Variants in VPS33B observed in about 807,000 individuals in gnomAD.
VPS33B encodes the protein vacuolar protein sorting-associated protein 33B.
Under a neutral mutation model 95.3 loss-of-function variants are expected in VPS33B, and 80 were observed. That is an observed-to-expected ratio of 0.84 (90% confidence interval 0.70 to 1.01). The LOEUF (loss-of-function observed/expected upper bound fraction) is 1.01. Ranked by LOEUF, VPS33B falls within the 50% of genes least tolerant of loss-of-function variation. The probability of loss-of-function intolerance (pLI) is 0.00; values close to 1 mark genes in which losing one functional copy is unlikely to be tolerated. For synonymous variants in VPS33B, 280 were observed against 280.4 expected, an observed-to-expected ratio of 1.00 and a Z score of 0.01; for missense variants, 715 against 773.4, an observed-to-expected ratio of 0.92 and a Z score of 0.90.
rs778050196 is a variant in VPS33B at position 90,999,967 on chromosome 15, C to T, written c.1590G>A (p.Glu530=). The change falls in exon 21 of 23, where the codon GAG becomes GAA. Residue 530 remains glutamate (E), a synonymous_variant. Transcript: ENST00000333371. This position sits in a 1 kb window ranked among gnomAD's most constrained non-coding sequence, Gnocchi z 5.1. Reference sequence around the variant, plus strand: ...CATCAAGGCCCTGCCAGCTTCGCCGCTCTAGCACCTGGGAAGGTGTAAGCA... The same window carrying T: ...CATCAAGGCCCTGCCAGCTTCGCCGTTCTAGCACCTGGGAAGGTGTAAGCA... ...LSCRIIEQVL[E]RRSWQGLDEV... is the part of the protein sequence containing the mutation. The T allele has an allele frequency of 6.2e-6, 10 of 1,614,194 alleles. No homozygotes were observed. The Middle Eastern group carries it at 8.2e-4, about 133-fold the overall frequency.
chr15:91,014,366 G>A lies in VPS33B; in HGVS notation c.289+18C>T. The A allele has an allele frequency of 1.9e-6, 3 of 1,613,464 alleles. No homozygotes were observed. Among genetic ancestry groups the A allele is most frequent in the South Asian group, 2.2e-5 (2 of 91,068 alleles). ...CCGCCCTTTCCCACAGTTACACATA[G>A]TACCATGGCACACTCACTGGCAATG... On this transcript the variant is annotated intron_variant, in intron 4 of 22. Coordinates refer to ENST00000333371, the MANE Select transcript of VPS33B (RefSeq NM_018668.5).
At position 91,013,699 on chromosome 15, in the gene VPS33B, C is replaced by A; in HGVS notation, c.357+105G>T. The A allele has an allele frequency of 8.1e-7, 1 of 1,228,668 alleles. No individual in the cohort carries two copies. The highest frequency in any genetic ancestry group is 1.2e-6 in the Non-Finnish European group (1 of 834,186). 76.1% of individuals were successfully genotyped at this position (1,228,668 alleles called of 1,614,324 possible). A position where few individuals can be genotyped will look rare whatever the true frequency, so the allele number is the denominator to read the frequency against. ...AGTCTCAGGTATTCTGTTACAGCAA[C>A]AGAAAACGAACGGAGACAGGGAGGT... On this transcript the variant is annotated intron_variant, in intron 5 of 22. Coordinates refer to ENST00000333371, the MANE Select transcript of VPS33B (RefSeq NM_018668.5). The surrounding 1 kb of genome is among the most constrained non-coding windows in gnomAD (Gnocchi z 4.5).
rs757250762 is a variant in VPS33B at position 91,007,869 on chromosome 15, C to T, written c.498+1G>A. 1.1e-5 allele frequency: 17 copies of T among 1,614,118 alleles called. No individual in the cohort carries two copies. The highest frequency in any genetic ancestry group is 1.3e-5 in the Non-Finnish European group (15 of 1,179,976). On this transcript the variant is annotated splice_donor_variant, in intron 7 of 22. Coordinates refer to ENST00000333371, the MANE Select transcript of VPS33B (RefSeq NM_018668.5). LOFTEE classifies it high-confidence loss of function. The surrounding 1 kb of genome is among the most constrained non-coding windows in gnomAD (Gnocchi z 5.3). The stretch of plus-strand genomic sequence containing the variant: ...CAAGACACAAGGGCCTCTGCATTTA[C>T]CAGAAAGTAATCCCTGAAAAATTCT...
rs991775483 is a variant in VPS33B, at chr15:91,010,424, C to T, written c.358-578G>A. 6.6e-6 allele frequency among the ~76,000 whole-genome samples: 1 copy of T among 152,080 alleles called. No individual in the cohort carries two copies. The highest frequency in any genetic ancestry group is 1.5e-5 in the Non-Finnish European group (1 of 68,022). On this transcript the variant is annotated intron_variant, in intron 5 of 22. Coordinates refer to ENST00000333371, the MANE Select transcript of VPS33B (RefSeq NM_018668.5). This position sits in a 1 kb window ranked among gnomAD's most constrained non-coding sequence, Gnocchi z 5.7. The stretch of plus-strand genomic sequence containing the variant: ...TAGACCAGTCTGGGCAACATAGTGA[C>T]ACCCCATCTCTACAAAACAATGCAA...
At chr15:91,014,564 A>G (rs1268781963) in intron 3 of VPS33B, 131 bp from the exon 4 acceptor site, 1 of 994,852 alleles carries the variant, frequency 1.0e-6, no homozygotes, top group East Asian at 2.4e-5. Context: ...AAGCTATGCT[A>G]TTCTCTTGGT....
chr15:91,006,907 C>G lies in VPS33B; in HGVS notation c.700+43G>C, dbSNP rs2040624778. On this transcript the variant is annotated intron_variant, in intron 9 of 22. Coordinates refer to ENST00000333371, the MANE Select transcript of VPS33B (RefSeq NM_018668.5). The surrounding 1 kb of genome is among the most constrained non-coding windows in gnomAD (Gnocchi z 5.4). ...CACCACGCCTTCCATATTCCCGTGT[C>G]TTCTAGGGCTGAAAGATGACAGGAA... 1 of 1,612,688 alleles carries G rather than the reference C, an allele frequency of 6.2e-7. No homozygotes were observed. The highest frequency in any genetic ancestry group is 1.3e-5 in the African/African-American group (1 of 74,910).
In VPS33B at chr15:91,000,401, A is replaced by AAT; in HGVS notation, c.1581+88_1581+89insAT. Reference sequence around the variant, plus strand: ...GACAGAGCAAGACTCCATCTCAAATAAAAAAAAAAAAACATTGAGACACGC... The same window carrying AAT: ...GACAGAGCAAGACTCCATCTCAAATAATAAAAAAAAAAAACATTGAGACACGC... On this transcript the variant is annotated intron_variant, in intron 20 of 22. Transcript: ENST00000333371. The surrounding 1 kb of genome is among the most constrained non-coding windows in gnomAD (Gnocchi z 4.9). The AAT allele has an allele frequency of 2.0e-6, 1 of 505,454 alleles. No individual in the cohort carries two copies. Among genetic ancestry groups the AAT allele is most frequent in the Non-Finnish European group, 2.9e-6 (1 of 339,324 alleles). 31.3% of individuals were successfully genotyped at this position (505,454 alleles called of 1,614,324 possible). A position where few individuals can be genotyped will look rare whatever the true frequency, so the allele number is the denominator to read the frequency against.
Position 91,014,450 on chromosome 15 carries a change from A to G in VPS33B, c.240-17T>C. The G allele has an allele frequency of 6.2e-7, 1 of 1,613,712 alleles. No individual in the cohort carries two copies. Among genetic ancestry groups the G allele is most frequent in the Non-Finnish European group, 8.5e-7 (1 of 1,179,688 alleles). On this transcript the variant is annotated splice_polypyrimidine_tract_variant and intron_variant, in intron 3 of 22. Transcript: ENST00000333371. ...AAGCACAATCTATGAGAGAGAAAGA[A>G]AAAAAAACAGTGAAGAAGAATTATC...
rs61497411 is a variant in VPS33B at position 91,011,242 on chromosome 15, T to A, written c.358-1396A>T. On this transcript the variant is annotated intron_variant, in intron 5 of 22. Coordinates refer to ENST00000333371, the MANE Select transcript of VPS33B (RefSeq NM_018668.5). This position sits in a 1 kb window ranked among gnomAD's most constrained non-coding sequence, Gnocchi z 5.5. ...GAGGGCACTCACATCTGATAATGAG[T>A]TGACATTATTAACAGCTAATGTTGT... Among the ~76,000 whole-genome samples, 1,546 of 152,334 alleles carry A rather than the reference T, an allele frequency of 0.01. 27 individuals carry two copies. The highest frequency in any genetic ancestry group is 0.034 in the African/African-American group (1,414 of 41,572).
chr15:91,009,953 G>T lies in VPS33B; in HGVS notation c.358-107C>A. 1 of 1,313,450 alleles carries T rather than the reference G, an allele frequency of 7.6e-7. No homozygotes were observed. Among genetic ancestry groups the T allele is most frequent in the Non-Finnish European group, 1.1e-6 (1 of 915,486 alleles). 81.4% of individuals were successfully genotyped at this position (1,313,450 alleles called of 1,614,324 possible). ...ATGAGGACAATAATTGCCGAACCCA[G>T]TGAAAGACAAGAGAACCCAGACTCT... is the stretch of plus-strand genomic sequence containing the variant. On this transcript the variant is annotated intron_variant, in intron 5 of 22. Coordinates refer to ENST00000333371, the MANE Select transcript of VPS33B (RefSeq NM_018668.5). This position sits in a 1 kb window ranked among gnomAD's most constrained non-coding sequence, Gnocchi z 4.1.
chr15:91,014,276 A>G, intron 4 of VPS33B, 108 bp downstream of exon 4: 3 of 1,118,496 alleles, frequency 2.7e-6, no homozygotes, highest in Non-Finnish European at 4.1e-6. Context: ...CACAAGTGCT[A>G]CGGCCAACTC....
At position 91,009,747 on chromosome 15, in the gene VPS33B, T is replaced by A; in HGVS notation, c.403+54A>T. 6.2e-7 allele frequency: 1 copy of A among 1,606,718 alleles called. No individual in the cohort carries two copies. Among genetic ancestry groups the A allele is most frequent in the Non-Finnish European group, 8.5e-7 (1 of 1,173,756 alleles). On this transcript the variant is annotated intron_variant, in intron 6 of 22. Transcript: ENST00000333371. The surrounding 1 kb of genome is among the most constrained non-coding windows in gnomAD (Gnocchi z 4.1). The stretch of plus-strand genomic sequence containing the variant: ...TGGGGGGGTTGGAGAACAACAACAG[T>A]TTTTTCTTCTGTATGTTCTCTTTCC...
Position 90,999,577 on chromosome 15 carries a change from C to A in VPS33B, c.1774+100G>T. 7.7e-7 allele frequency: 1 copy of A among 1,303,642 alleles called. No homozygotes were observed. The highest frequency in any genetic ancestry group is 1.1e-6 in the Non-Finnish European group (1 of 905,316). The allele number at this position is 1,303,642 out of a possible 1,614,324, so 80.8% of individuals were successfully genotyped here. On this transcript the variant is annotated intron_variant, in intron 22 of 22. Transcript: ENST00000333371. The surrounding 1 kb of genome is among the most constrained non-coding windows in gnomAD (Gnocchi z 5.1). ...CAGGTGATCTGCCCGCCTCCGCCTC[C>A]CAAAGTGCTGAGATTACAGGTATGA...
rs2041124745 is a variant in VPS33B at position 91,022,208 on chromosome 15, G to A, written c.42C>T (p.Asp14=). Reference sequence around the variant, plus strand: ...GAGCCAGCCTCTTCAGCATGGAGAAGTCAGGCAGCTCAGGGGCGTCCGGCC... The same window carrying A: ...GAGCCAGCCTCTTCAGCATGGAGAAATCAGGCAGCTCAGGGGCGTCCGGCC... ...PHRPDAPELP[D]FSMLKRLARD... Residue 14 remains aspartate (D), a synonymous_variant, in exon 1 of 23, where the codon GAC becomes GAT. Transcript: ENST00000333371. The A allele has an allele frequency of 6.3e-7, 1 of 1,588,966 alleles. No individual in the cohort carries two copies. The highest frequency in any genetic ancestry group is 8.6e-7 in the Non-Finnish European group (1 of 1,166,224).
intron 1 of VPS33B, among the ~76,000 whole-genome samples, chr15:91,019,916 CT>C (rs2041056481): frequency 6.6e-6 from 1 of 152,086 alleles, no homozygotes; most frequent in Non-Finnish European, 1.5e-5. Flanking sequence ...AGCAATTCTC[CT>C]GCCTCAGCCT....
At position 91,007,821 on chromosome 15, in the gene VPS33B, C is replaced by A; in HGVS notation, c.498+49G>T. 5 of 1,551,938 alleles carry A rather than the reference C, an allele frequency of 3.2e-6. No individual in the cohort carries two copies. The highest frequency in any genetic ancestry group is 4.4e-6 in the Non-Finnish European group (5 of 1,123,738). On this transcript the variant is annotated intron_variant, in intron 7 of 22. Transcript: ENST00000333371. The surrounding 1 kb of genome is among the most constrained non-coding windows in gnomAD (Gnocchi z 5.3). The stretch of plus-strand genomic sequence containing the variant: ...GGTATTTCTAGCCCTCTGCATCCCA[C>A]ATTTGTCCCCATCCCCTGATGCCAA...
chr15:91,016,630 C>T (rs1002936320), intron 3 of VPS33B, among the ~76,000 whole-genome samples: 19 of 152,148 alleles, frequency 1.2e-4, no homozygotes, highest in South Asian at 4.1e-4. Flanking sequence ...AAGATCCGCC[C>T]GCCTCGGCCT....
In VPS33B at chr15:91,000,511, CAG is replaced by C; in HGVS notation, c.1558_1559del (p.Leu520GlufsTer6). 5 of 1,613,318 alleles carry C rather than the reference CAG, an allele frequency of 3.1e-6. No homozygotes were observed. Among genetic ancestry groups the C allele is most frequent in the Non-Finnish European group, 3.4e-6 (4 of 1,179,570 alleles). ...TCACCTGCTCAATGATTCGGCAGCT[CAG>C]GGGCACATAAGCACCACCGAAGACG... The part of the protein sequence containing the change: ...AYVFGGAYVP[L>X]SCRIIEQVLE... On this transcript the variant is annotated frameshift_variant, in exon 20 of 23. Transcript: ENST00000333371. LOFTEE classifies it high-confidence loss of function. The surrounding 1 kb of genome is among the most constrained non-coding windows in gnomAD (Gnocchi z 4.9).
Position 91,006,309 on chromosome 15 carries a change from G to A in VPS33B, c.852+63C>T. On this transcript the variant is annotated intron_variant, in intron 11 of 22. Coordinates refer to ENST00000333371, the MANE Select transcript of VPS33B (RefSeq NM_018668.5). The surrounding 1 kb of genome is among the most constrained non-coding windows in gnomAD (Gnocchi z 5.4). ...GGCCCACAGCCTGGTATAAGCAGGG[G>A]GCCCACAGCCTGGTATAAGCAGTGG... 1 of 1,584,734 alleles carries A rather than the reference G, an allele frequency of 6.3e-7. No homozygotes were observed. Among genetic ancestry groups the A allele is most frequent in the Middle Eastern group, 1.8e-4 (1 of 5,464 alleles).
Sources: gnomAD v4.1 joint callset for allele counts (sites outside exome capture counted in the v4.1 genomes callset) on GRCh38, gnomAD v4.1.1 for gene constraint, Gnocchi (gnomAD v3.1) non-coding constraint, MANE v1.5 for transcripts, NCBI Gene and HGNC (gene_info 2026-07-23, HGNC 2026-07-21) for gene names.